The following PCDH19 variants were observed in gnomAD, a reference collection of about 807,000 sequenced individuals.
The protein encoded by PCDH19 is protocadherin-19.
PCDH19 carries 6 observed loss-of-function variants against 46.2 expected under a neutral mutation model. The ratio of observed to expected loss-of-function variants is 0.13; its 90% CI spans 0.07 to 0.26. The LOEUF is 0.26. Ranked by LOEUF, PCDH19 falls within the 10% of genes least tolerant of loss-of-function variation. The pLI is 1.00. For synonymous variants in PCDH19, 481 were observed against 415.7 expected (o/e 1.16, Z -1.91); for missense variants, 740 against 972.3 (o/e 0.76, Z 3.18).
intron 3 of PCDH19, among the ~76,000 whole-genome samples, chrX:100,361,265 T>C (rs927442731): frequency 8.9e-6 from 1 of 112,187 alleles, no homozygotes; most frequent in Non-Finnish European, 1.9e-5. Flanking sequence ...AAAGGGTTCA[T>C]TCCCCCCACA....
In PCDH19 at chrX:100,296,604, A is replaced by G. The variant is rs199702403; in HGVS notation, c.3120T>C (p.Asp1040=). The G allele has an allele frequency of 1.2e-5, 15 of 1,209,586 alleles. No individual in the cohort carries two copies. In the Admixed American group the frequency reaches 3.1e-4, roughly 25 times the overall value. Residue 1040 remains aspartate, a synonymous_variant, in exon 6 of 6, where the codon GAT becomes GAC. Transcript: ENST00000373034. ...RPTLKGKRTV[D]VTICSPKVNS... ...TGACCTTGGGGCTGCAGATGGTCAC[A>G]TCGACAGTCCTCTTGCCTTTCAGGG... is the stretch of plus-strand genomic sequence containing the variant.
At chrX:100,317,334 A>G (rs758077165) in intron 5 of PCDH19, among the ~76,000 whole-genome samples, 14 of 112,280 alleles carry the variant, frequency 1.2e-4, no homozygotes, top group Non-Finnish European at 2.6e-4. Flanking sequence ...TCCTTGCTTC[A>G]TTCTGAATTT....
intron 5 of PCDH19, among the ~76,000 whole-genome samples, chrX:100,302,995 T>G (rs889982443): frequency 8.9e-6 from 1 of 111,738 alleles, no homozygotes; most frequent in Non-Finnish European, 1.9e-5. Context: ...TACAGAAACC[T>G]ACAAAGTAAA....
In PCDH19 at chrX:100,296,101, C is replaced by T. The variant is rs1924590834; in HGVS notation, c.*176G>A. On this transcript the variant is annotated 3_prime_UTR_variant, in exon 6 of 6. Coordinates refer to ENST00000373034, the MANE Select transcript of PCDH19 (RefSeq NM_001184880.2). ...AATTTGCTCCAACTGAACACCCCTG[C>T]TGCCTGTTGAAACAAGGGACTGTCA... 2.1e-6 allele frequency: 1 copy of T among 476,391 alleles called. No homozygotes were observed. 39.3% of individuals were successfully genotyped at this position (476,391 alleles called of 1,213,427 possible).
chrX:100,322,865 A>ATATATATATATATTTT, intron 5 of PCDH19, among the ~76,000 whole-genome samples: 1 of 54,418 alleles, frequency 1.8e-5, no homozygotes, highest in Admixed American at 2.1e-4. Flanking sequence ...ATATATATAT[A>ATATATATATATATTTT]TTTTTGCAGC....
In PCDH19 at chrX:100,297,302, A is replaced by G. The variant is rs185459863; in HGVS notation, c.2849-427T>C. Among the ~76,000 whole-genome samples, 44 of 111,231 alleles carry G rather than the reference A, an allele frequency of 4.0e-4. 1 individual carries two copies. The East Asian group carries it at 0.011, about 27-fold the overall frequency. ...TCAGTGTATTTAAGAAGCCTTGGCC[A>G]TATTTTTGAACAACAGCACTGCCAA... On this transcript the variant is annotated intron_variant, in intron 5 of 5. Coordinates refer to ENST00000373034, the MANE Select transcript of PCDH19 (RefSeq NM_001184880.2).
chrX:100,313,071 A>G, intron 5 of PCDH19, among the ~76,000 whole-genome samples: 1 of 111,801 alleles, frequency 8.9e-6, no homozygotes, highest in Non-Finnish European at 1.9e-5. Context: ...TCATTCACAA[A>G]TTAATTGAAC....
Position 100,296,754 on chromosome X carries a change from G to A in PCDH19, c.2970C>T (p.Ile990=), listed in dbSNP as rs775109121. 3 of 1,211,396 alleles carry A rather than the reference G, an allele frequency of 2.5e-6. No individual in the cohort carries two copies. Among genetic ancestry groups the A allele is most frequent in the Non-Finnish European group, 3.4e-6 (3 of 895,184 alleles). The change falls in exon 6 of 6, where the codon ATC becomes ATT. Residue 990 remains isoleucine (I), a synonymous_variant. Transcript: ENST00000373034. ...RSKSPEHVRN[I]IALSIEATAA... is the part of the protein sequence containing the mutation. ...CAGTAGCTTCAATAGACAGCGCGAT[G>A]ATGTTCCTCACATGCTCAGGGGACT...
At chrX:100,342,096 T>A (rs1926268984) in intron 4 of PCDH19, 21 bp from the exon 5 acceptor site, 2 of 1,189,914 alleles carry the variant, frequency 1.7e-6, no homozygotes, top group Non-Finnish European at 2.3e-6. Context: ...GACAGAATGA[T>A]AATTTACGAC....
intron 3 of PCDH19, among the ~76,000 whole-genome samples, chrX:100,392,017 C>T (rs1927877985): frequency 8.9e-6 from 1 of 111,914 alleles, no homozygotes; most frequent in Non-Finnish European, 1.9e-5. Flanking sequence ...TGACACCATG[C>T]ATAGCCACAA....
At chrX:100,361,104 C>T (rs889626359) in intron 3 of PCDH19, among the ~76,000 whole-genome samples, 1 of 111,947 alleles carries the variant, frequency 8.9e-6, no homozygotes, top group Non-Finnish European at 1.9e-5. Flanking sequence ...CACAAAGTGG[C>T]TAATATCATC....
At chrX:100,381,638 A>G (rs1027736630) in intron 3 of PCDH19, among the ~76,000 whole-genome samples, 1 of 112,160 alleles carries the variant, frequency 8.9e-6, no homozygotes, top group Non-Finnish European at 1.9e-5. Context: ...CAACCATTAA[A>G]TTACCGTAGG....
intron 4 of PCDH19, among the ~76,000 whole-genome samples, chrX:100,344,966 C>CTG (rs1490461720): frequency 9.1e-6 from 1 of 109,475 alleles, no homozygotes; most frequent in Non-Finnish European, 1.9e-5. Flanking sequence ...CTATAGCAGA[C>CTG]TGTAGTAAAG....
intron 5 of PCDH19, among the ~76,000 whole-genome samples, chrX:100,327,032 T>G (rs193286497): frequency 4.5e-5 from 5 of 112,139 alleles, no homozygotes; most frequent in Admixed American, 2.8e-4. Flanking sequence ...TAAATGCATT[T>G]TCTCTCCCCA....
chrX:100,297,250 G>A (rs1924646383), intron 5 of PCDH19, among the ~76,000 whole-genome samples: 1 of 111,812 alleles, frequency 8.9e-6, no homozygotes, highest in South Asian at 3.8e-4. Flanking sequence ...AGATGAGGGA[G>A]TGGAGGCAGG....
At chrX:100,321,598 C>T (rs1925481372) in intron 5 of PCDH19, among the ~76,000 whole-genome samples, 1 of 109,917 alleles carries the variant, frequency 9.1e-6, no homozygotes, top group African/African-American at 3.3e-5. Flanking sequence ...ATGTCTTTAG[C>T]CCATTTTTTG....
intron 3 of PCDH19, among the ~76,000 whole-genome samples, chrX:100,367,564 G>A (rs1177350015): frequency 1.8e-5 from 2 of 111,643 alleles, no homozygotes; most frequent in Non-Finnish European, 3.8e-5. Context: ...CTGGACGGGA[G>A]GAACACTGTG....
chrX:100,356,326 T>G (rs1015075569), intron 3 of PCDH19, among the ~76,000 whole-genome samples: 1 of 111,807 alleles, frequency 8.9e-6, no homozygotes, highest in Non-Finnish European at 1.9e-5. Context: ...CGCTGCTTCT[T>G]TTTTTAACTG....
intron 3 of PCDH19, among the ~76,000 whole-genome samples, chrX:100,384,712 T>C (rs1927659589): frequency 1.8e-5 from 2 of 111,803 alleles, no homozygotes; most frequent in Admixed American, 9.5e-5. Flanking sequence ...ATGTAATACA[T>C]CAATGAAGAA....
Sources: allele counts gnomAD v4.1 joint callset (sites outside exome capture counted in the v4.1 genomes callset), GRCh38; gene constraint gnomAD v4.1.1; transcripts MANE v1.5; gene names NCBI Gene and HGNC (gene_info 2026-07-23, HGNC 2026-07-21).